Variants in WDFY4 observed in about 807,000 individuals in gnomAD.
WDFY4 encodes WDFY family member 4.
Under a neutral mutation model 351.9 loss-of-function variants are expected in WDFY4, and 169 were observed. That is an observed-to-expected ratio of 0.48 (90% CI 0.42 to 0.55). The LOEUF is 0.55. Ranked by LOEUF, WDFY4 falls within the 20% of genes least tolerant of loss-of-function variation. The pLI, the probability that WDFY4 is intolerant of heterozygous loss-of-function variation, is 0.00. For missense variants in WDFY4, 3,803 were observed against 3,935.6 expected (o/e 0.97, Z 0.90); for synonymous variants, 1,622 against 1,574.6 (o/e 1.03, Z -0.71).
At chr10:48,808,980 C>A (rs1490738139) in intron 28 of WDFY4, among the ~76,000 whole-genome samples, 2 of 151,932 alleles carry the variant, frequency 1.3e-5, no homozygotes, top group African/African-American at 4.8e-5. Flanking sequence ...CTTTTAATGC[C>A]AAAAACTGCC....
chr10:48,779,834 C>T, intron 18 of WDFY4, 107 bp from the exon 19 acceptor site: 1 of 1,229,552 alleles, frequency 8.1e-7, no homozygotes, highest in Non-Finnish European at 1.1e-6. Flanking sequence ...TCTAGGGCTC[C>T]ATGGTACAAG....
chr10:48,857,936 C>T (rs2069195863), intron 39 of WDFY4, among the ~76,000 whole-genome samples: 1 of 151,888 alleles, frequency 6.6e-6, no homozygotes, highest in South Asian at 2.1e-4. Context: ...GGATTACTGG[C>T]ACCTGCCACC....
intron 39 of WDFY4, among the ~76,000 whole-genome samples, chr10:48,842,936 GCAGCCTCC>G (rs1198998666): frequency 7.2e-5 from 11 of 152,152 alleles, no homozygotes; most frequent in Non-Finnish European, 1.3e-4. Flanking sequence ...TTTTGGCCAT[GCAGCCTCC>G]CAAAAAATGG....
At chr10:48,823,264 C>T (rs1482541068) in intron 35 of WDFY4, 3 of 1,297,748 alleles carry the variant, frequency 2.3e-6, no homozygotes, top group Admixed American at 2.3e-5. Context: ...TGATGGGGAA[C>T]CCCCTAAAAT....
intron 32 of WDFY4, among the ~76,000 whole-genome samples, chr10:48,819,332 CA>C: frequency 6.6e-6 from 1 of 152,314 alleles, no homozygotes; most frequent in East Asian, 1.9e-4. Context: ...GGCTGGTGGC[CA>C]AAGGCTTGGA....
intron 52 of WDFY4, among the ~76,000 whole-genome samples, chr10:48,958,863 A>G (rs1331413408): frequency 6.6e-6 from 1 of 152,066 alleles, no homozygotes; most frequent in African/African-American, 2.4e-5. Context: ...AGCTGAGATG[A>G]GTGATGAGAA....
chr10:48,830,575 G>A, intron 37 of WDFY4, 125 bp from the exon 38 acceptor site: 4 of 1,060,912 alleles, frequency 3.8e-6, no homozygotes, highest in Non-Finnish European at 5.4e-6. Flanking sequence ...TGCAAAGCTG[G>A]GGTGATGTTC....
intron 39 of WDFY4, among the ~76,000 whole-genome samples, chr10:48,846,888 C>G (rs1285914160): frequency 6.6e-6 from 1 of 152,172 alleles, no homozygotes; most frequent in Non-Finnish European, 1.5e-5. Flanking sequence ...ACCAGGGTGA[C>G]CTTTTTGCTC....
At chr10:48,899,670 G>T (rs191481567) in intron 45 of WDFY4, among the ~76,000 whole-genome samples, 12 of 151,896 alleles carry the variant, frequency 7.9e-5, no homozygotes, top group Non-Finnish European at 1.3e-4. Context: ...AAACAAGGGT[G>T]GGAGAAAAAA....
At chr10:48,861,123 T>C (rs905841179) in intron 39 of WDFY4, among the ~76,000 whole-genome samples, 2 of 152,306 alleles carry the variant, frequency 1.3e-5, no homozygotes, top group South Asian at 4.1e-4. Context: ...TCTCCATTTA[T>C]AATGTAATAG....
At chr10:48,967,568 G>A (rs1181245677) in intron 55 of WDFY4, 1 of 152,162 alleles carries the variant, frequency 6.6e-6, no homozygotes. Context: ...TGGCTTCCTT[G>A]GCTGCCACCA....
At chr10:48,848,464 G>A (rs1485590038) in intron 39 of WDFY4, among the ~76,000 whole-genome samples, 1 of 152,214 alleles carries the variant, frequency 6.6e-6, no homozygotes, top group East Asian at 1.9e-4. Context: ...AACAAGGGGT[G>A]GGAGTAAGAG....
intron 39 of WDFY4, among the ~76,000 whole-genome samples, chr10:48,842,848 C>T (rs1040261177): frequency 6.6e-6 from 1 of 152,214 alleles, no homozygotes; most frequent in Non-Finnish European, 1.5e-5. Context: ...CTACAACTGT[C>T]GCTGAAGGAG....
intron 47 of WDFY4, chr10:48,913,866 C>T (rs1564478336): frequency 6.2e-7 from 1 of 1,614,098 alleles, no homozygotes; most frequent in Non-Finnish European, 8.5e-7. Flanking sequence ...GTAGAGCAGG[C>T]TGGTCATCTG....
At chr10:48,886,666 T>G (rs766776160) in intron 43 of WDFY4, among the ~76,000 whole-genome samples, 4 of 152,174 alleles carry the variant, frequency 2.6e-5, no homozygotes, top group Non-Finnish European at 5.9e-5. Context: ...AAATAAACAT[T>G]TATCTCTATA....
In WDFY4 at chr10:48,890,852, C is replaced by T. The variant is rs561412679; in HGVS notation, c.7316+125C>T. 246 of 1,360,074 alleles carry T rather than the reference C, an allele frequency of 1.8e-4. 2 individuals carry two copies. The South Asian group carries it at 3.2e-3, about 18-fold the overall frequency. 84.3% of individuals were successfully genotyped at this position (1,360,074 alleles called of 1,614,324 possible). The stretch of plus-strand genomic sequence containing the variant: ...CTTAGATTTGGGCCTGAAACTGAGC[C>T]ATGAGATAAAACAGAAGGACCTGCA... On this transcript the variant is annotated intron_variant, in intron 44 of 61. Coordinates refer to ENST00000325239, the MANE Select transcript of WDFY4 (RefSeq NM_001394531.1).
At chr10:48,855,132 T>C (rs930981847) in intron 39 of WDFY4, among the ~76,000 whole-genome samples, 3 of 152,196 alleles carry the variant, frequency 2.0e-5, no homozygotes, top group African/African-American at 7.2e-5. Flanking sequence ...GTTTTTAAAA[T>C]GATATTGTTT....
intron 40 of WDFY4, among the ~76,000 whole-genome samples, chr10:48,872,253 G>C (rs1184866048): frequency 6.6e-6 from 1 of 152,216 alleles, no homozygotes; most frequent in Non-Finnish European, 1.5e-5. Flanking sequence ...TGAAATGCTA[G>C]CAGATATCAT....
At chr10:48,977,722 C>T (rs1049664421) in intron 59 of WDFY4, among the ~76,000 whole-genome samples, 3 of 152,232 alleles carry the variant, frequency 2.0e-5, no homozygotes, top group African/African-American at 4.8e-5. Flanking sequence ...CTCATTCATT[C>T]GATGTGGTCA....
Sources: allele counts gnomAD v4.1 joint callset (sites outside exome capture counted in the v4.1 genomes callset), GRCh38; gene constraint gnomAD v4.1.1; transcripts MANE v1.5; gene names NCBI Gene and HGNC (gene_info 2026-07-23, HGNC 2026-07-21).